Variants in ASIP observed in about 807,000 individuals in gnomAD.
ASIP encodes agouti-signaling protein.
ASIP carries 11 observed loss-of-function variants against 10.3 expected under a neutral mutation model. That is an observed-to-expected ratio of 1.07 (90% CI 0.68 to 1.78). The LOEUF is 1.78. Among genes scored for constraint, ASIP ranks in the 40% most tolerant of loss-of-function variants. The probability of loss-of-function intolerance (pLI) is 0.00; values close to 1 mark genes in which losing one functional copy is unlikely to be tolerated. For missense variants in ASIP, 180 were observed against 169.2 expected (o/e 1.06, Z -0.35); for synonymous variants, 70 against 70.8 (o/e 0.99, Z 0.06).
At chr20:34,202,386 A>G (rs1432240332) in intron 1 of ASIP, among the ~76,000 whole-genome samples, 1 of 152,226 alleles carries the variant, frequency 6.6e-6, no homozygotes, top group African/African-American at 2.4e-5. Context: ...TGATTGTGTC[A>G]ATCTTGTCTG....
chr20:34,221,397 AAAAG>A (rs1248566921), intron 1 of ASIP, among the ~76,000 whole-genome samples: 4 of 151,984 alleles, frequency 2.6e-5, no homozygotes, highest in Non-Finnish European at 5.9e-5. Context: ...AAAAAAAAGA[AAAAG>A]AAAGGGAAAC....
chr20:34,206,993 A>T (rs1273445256), intron 1 of ASIP, among the ~76,000 whole-genome samples: 1 of 152,150 alleles, frequency 6.6e-6, no homozygotes, highest in East Asian at 1.9e-4. Context: ...TGATACACTG[A>T]ATTCCTTTCT....
chr20:34,235,271 C>A (rs1404327967), intron 1 of ASIP, among the ~76,000 whole-genome samples: 1 of 152,160 alleles, frequency 6.6e-6, no homozygotes, highest in Non-Finnish European at 1.5e-5. Flanking sequence ...GAAACCCCGT[C>A]TCTACTAAAA....
chr20:34,262,763 C>T, intron 2 of ASIP, 69 bp from the exon 3 acceptor site: 1 of 1,571,632 alleles, frequency 6.4e-7, no homozygotes, highest in Non-Finnish European at 8.8e-7. Flanking sequence ...CCCCTCTGCC[C>T]CTCTCACTTC....
intron 1 of ASIP, among the ~76,000 whole-genome samples, chr20:34,212,425 T>C (rs1364741581): frequency 6.6e-6 from 1 of 152,226 alleles, no homozygotes; most frequent in Non-Finnish European, 1.5e-5. Context: ...ATATACATTA[T>C]GACCCTTTTC....
intron 1 of ASIP, among the ~76,000 whole-genome samples, chr20:34,200,053 T>A (rs1414177311): frequency 1.3e-5 from 2 of 152,238 alleles, no homozygotes; most frequent in Non-Finnish European, 2.9e-5. Context: ...CAGTTTCTAA[T>A]CTAATGAAGT....
intron 1 of ASIP, chr20:34,214,816 C>A: frequency 6.3e-7 from 1 of 1,582,618 alleles, no homozygotes; most frequent in Non-Finnish European, 8.7e-7. Flanking sequence ...ATAATCATAA[C>A]AAAATCCAAT....
chr20:34,208,919 T>C (rs1166426324), intron 1 of ASIP, among the ~76,000 whole-genome samples: 1 of 152,252 alleles, frequency 6.6e-6, no homozygotes, highest in Non-Finnish European at 1.5e-5. Flanking sequence ...TGTTCACAGT[T>C]GAAATATAGA....
intron 1 of ASIP, among the ~76,000 whole-genome samples, chr20:34,223,022 G>C (rs1332041252): frequency 6.6e-6 from 1 of 152,060 alleles, no homozygotes; most frequent in Non-Finnish European, 1.5e-5. Context: ...CCAAAGTGCC[G>C]AGATTGCAGC....
Position 34,245,005 on chromosome 20 carries a change from A to G in ASIP, c.-11+3516A>G, listed in dbSNP as rs56927505. Reference sequence around the variant, plus strand: ...AATAATCAACAAAAATGCTCCACATAAAAAGTCTACCGGGTTTTTCAAAAA... The same window carrying G: ...AATAATCAACAAAAATGCTCCACATGAAAAGTCTACCGGGTTTTTCAAAAA... On this transcript the variant is annotated intron_variant, in intron 1 of 3. Transcript: ENST00000374954. Among the ~76,000 whole-genome samples, 434 of 152,290 alleles carry G rather than the reference A, an allele frequency of 2.8e-3. 1 individual carries two copies. Among genetic ancestry groups the G allele is most frequent in the African/African-American group, 9.7e-3 (404 of 41,552 alleles).
At chr20:34,215,577 C>A (rs1425815524) in intron 1 of ASIP, 17 of 1,502,484 alleles carry the variant, frequency 1.1e-5, no homozygotes, top group Non-Finnish European at 1.5e-5. Flanking sequence ...AGGACTTGGG[C>A]GGCTTTATTT....
chr20:34,215,840 C>T (rs1601574911), intron 1 of ASIP: 1 of 1,385,174 alleles, frequency 7.2e-7, no homozygotes, highest in East Asian at 2.3e-5. Flanking sequence ...GGCCCTTAGT[C>T]TAAAGTCTGA....
At chr20:34,244,031 C>G (rs2035329333) in intron 1 of ASIP, among the ~76,000 whole-genome samples, 1 of 152,206 alleles carries the variant, frequency 6.6e-6, no homozygotes. Flanking sequence ...CGCCACTGCA[C>G]TCCAGCCTGG....
chr20:34,211,103 C>T (rs2034971933), intron 1 of ASIP, among the ~76,000 whole-genome samples: 1 of 152,130 alleles, frequency 6.6e-6, no homozygotes, highest in African/African-American at 2.4e-5. Context: ...GATTATAGCT[C>T]ACTGCAACCT....
In ASIP at chr20:34,262,908, G is replaced by A; in HGVS notation, c.222+15G>A. The A allele has an allele frequency of 1.2e-6, 2 of 1,613,626 alleles. No individual in the cohort carries two copies. Among genetic ancestry groups the A allele is most frequent in the Non-Finnish European group, 1.7e-6 (2 of 1,179,574 alleles). ...GATCTTCTAAGGTAAGGGCAGGGAAGTTCTGGGAGTTCTCATTGTTGGGGT... is the reference window on the plus strand; with the variant it reads ...GATCTTCTAAGGTAAGGGCAGGGAAATTCTGGGAGTTCTCATTGTTGGGGT... On this transcript the variant is annotated intron_variant, in intron 3 of 3. Coordinates refer to ENST00000374954, the MANE Select transcript of ASIP (RefSeq NM_001672.3).
At chr20:34,193,830 A>G (rs2034838522), upstream of ASIP, among the ~76,000 whole-genome samples, 1 of 152,224 alleles carries the variant, frequency 6.6e-6, no homozygotes, top group Admixed American at 6.5e-5. Context: ...TAGAAAGGGA[A>G]AAGTAGATGC....
At chr20:34,190,704 G>A (rs993983548), upstream of ASIP, among the ~76,000 whole-genome samples, 7 of 152,092 alleles carry the variant, frequency 4.6e-5, no homozygotes, top group African/African-American at 9.7e-5. Context: ...AGCTCCAGCC[G>A]GAAGAAACAC....
intron 1 of ASIP, among the ~76,000 whole-genome samples, chr20:34,245,631 C>T (rs2035361696): frequency 6.6e-6 from 1 of 151,874 alleles, no homozygotes; most frequent in Non-Finnish European, 1.5e-5. Flanking sequence ...CCTCATGATC[C>T]ACCCGCCTTG....
intron 1 of ASIP, among the ~76,000 whole-genome samples, chr20:34,221,368 ACT>A (rs1306621269): frequency 1.3e-5 from 2 of 151,386 alleles, no homozygotes; most frequent in East Asian, 1.9e-4. Context: ...ACAGAGCGAG[ACT>A]CTGTCTCAAA....
Sources: allele counts gnomAD v4.1 joint callset (sites outside exome capture counted in the v4.1 genomes callset), GRCh38; gene constraint gnomAD v4.1.1; transcripts MANE v1.5; gene names NCBI Gene and HGNC (gene_info 2026-07-23, HGNC 2026-07-21).